The following KDM1B variants were observed in gnomAD, a reference collection of about 807,000 sequenced individuals.
The protein encoded by KDM1B is lysine demethylase 1B.
A neutral mutation model predicts 107.4 loss-of-function variants in KDM1B; 63 were observed. The observed-to-expected ratio is 0.59, with a 90% CI of 0.48 to 0.72. The LOEUF (loss-of-function observed/expected upper bound fraction) is 0.72. Ranked by LOEUF, KDM1B falls within the 30% of genes least tolerant of loss-of-function variation. The pLI is 0.00. For missense variants in KDM1B, 749 were observed against 1,020.8 expected (o/e 0.73, Z 3.63); for synonymous variants, 363 against 363.9 (o/e 1.00, Z 0.03).
intron 4 of KDM1B, 102 bp downstream of exon 4, chr6:18,161,556 A>G: frequency 8.1e-7 from 1 of 1,234,648 alleles, no homozygotes; most frequent in Non-Finnish European, 1.1e-6. Context: ...AGATACAGAT[A>G]CTATAAGTCA....
At chr6:18,173,437 T>TC (rs1249832169) in intron 7 of KDM1B, among the ~76,000 whole-genome samples, 2 of 152,148 alleles carry the variant, frequency 1.3e-5, no homozygotes, top group African/African-American at 2.4e-5. Flanking sequence ...GAATATTTTT[T>TC]CCCCCCAGTT....
rs1788708096 is a variant in KDM1B, at chr6:18,209,928, G to C, written c.1866+1722G>C. 6.6e-6 allele frequency among the ~76,000 whole-genome samples: 1 copy of C among 152,158 alleles called. No individual in the cohort carries two copies. Among genetic ancestry groups the C allele is most frequent in the Admixed American group, 6.5e-5 (1 of 15,272 alleles). ...TTTTAAAATTGCAAGTCACCCGACAGTTCAGCCTCTGCTGTTCTGTAGCTC... is the reference window on the plus strand; with the variant it reads ...TTTTAAAATTGCAAGTCACCCGACACTTCAGCCTCTGCTGTTCTGTAGCTC... On this transcript the variant is annotated intron_variant, in intron 17 of 21. Coordinates refer to ENST00000650836, the MANE Select transcript of KDM1B (RefSeq NM_001364614.2). The surrounding 1 kb of genome is among the most constrained non-coding windows in gnomAD (Gnocchi z 4.3).
chr6:18,222,438 G>C lies in KDM1B; in HGVS notation c.*446G>C, dbSNP rs547315162. On this transcript the variant is annotated 3_prime_UTR_variant, in exon 22 of 22. Transcript: ENST00000650836. ...ACAATTTATCAGTATCTTTACCAAT[G>C]AGCCTTAATTTTTATATAGGTCCAA... 12 of 284,090 alleles carry C rather than the reference G, an allele frequency of 4.2e-5. No homozygotes were observed. Among genetic ancestry groups the C allele is most frequent in the African/African-American group, 2.0e-4 (9 of 44,644 alleles). 17.6% of individuals were successfully genotyped at this position (284,090 alleles called of 1,614,324 possible).
chr6:18,196,926 T>C (rs907383736), intron 10 of KDM1B, 131 bp from the exon 11 acceptor site: 1 of 852,158 alleles, frequency 1.2e-6, no homozygotes, highest in African/African-American at 1.7e-5. Flanking sequence ...TGTTGGCCAT[T>C]TGAGCATCTG....
rs1398760591 is a variant in KDM1B at position 18,197,067 on chromosome 6, C to A, written c.980C>A (p.Thr327Asn). The A allele has an allele frequency of 1.2e-6, 2 of 1,605,450 alleles. No individual in the cohort carries two copies. The highest frequency in any genetic ancestry group is 3.4e-5 in the Admixed American group (2 of 59,386). The stretch of plus-strand genomic sequence containing the variant: ...TATTTCCAAACACAGGAAGCTCTTA[C>A]TCCTCAGAAATGTATTCCTCACATC... ...LWYTNCKEAL[T>N]PQKCIPHIIV... The change falls in exon 11 of 22, where the codon ACT becomes AAT. Residue 327 changes from threonine to asparagine, a missense_variant. By Grantham distance (65) the Thr-to-Asn change is moderately conservative. Coordinates refer to ENST00000650836, the MANE Select transcript of KDM1B (RefSeq NM_001364614.2). This position sits in a 1 kb window ranked among gnomAD's most constrained non-coding sequence, Gnocchi z 4.5.
chr6:18,168,122 T>C (rs2150805666), intron 6 of KDM1B, among the ~76,000 whole-genome samples: 1 of 152,342 alleles, frequency 6.6e-6, no homozygotes, highest in South Asian at 2.1e-4. Flanking sequence ...AAAGATTTTT[T>C]CATTGAAGTA....
chr6:18,191,758 C>T lies in KDM1B; in HGVS notation c.969+377C>T, dbSNP rs1787297768. Among the ~76,000 whole-genome samples the T allele has an allele frequency of 6.6e-6, 1 of 152,074 alleles. No individual in the cohort carries two copies. The highest frequency in any genetic ancestry group is 1.5e-5 in the Non-Finnish European group (1 of 68,010). ...GGTTTGGTCCAAAGAGTTCCAATGG[C>T]AATGGCAGGAGGGAAAAACATCAAA... On this transcript the variant is annotated intron_variant, in intron 10 of 21. Transcript: ENST00000650836. This position sits in a 1 kb window ranked among gnomAD's most constrained non-coding sequence, Gnocchi z 5.1.
At chr6:18,189,224 A>G (rs1046079792) in intron 9 of KDM1B, among the ~76,000 whole-genome samples, 3 of 152,182 alleles carry the variant, frequency 2.0e-5, no homozygotes, top group Non-Finnish European at 4.4e-5. Context: ...CTGTGGTCCT[A>G]TCTTAAGGTT....
chr6:18,210,660 C>G (rs912385478), intron 17 of KDM1B, among the ~76,000 whole-genome samples: 2 of 152,018 alleles, frequency 1.3e-5, no homozygotes, highest in African/African-American at 4.8e-5. Context: ...TGCACCTGGG[C>G]TACTCAAGTT....
In KDM1B at chr6:18,159,788, AC is replaced by A; in HGVS notation, c.-13-94del. 1.5e-6 allele frequency: 1 copy of A among 671,540 alleles called. No homozygotes were observed. The highest frequency in any genetic ancestry group is 2.6e-6 in the Non-Finnish European group (1 of 385,962). 41.6% of individuals were successfully genotyped at this position (671,540 alleles called of 1,614,324 possible). The stretch of plus-strand genomic sequence containing the variant: ...GCTTTGTATTTAGGCAATCTGACAT[AC>A]ATTCTTACCTACCAAAGTGTATAAT... On this transcript the variant is annotated intron_variant, in intron 2 of 21. Coordinates refer to ENST00000650836, the MANE Select transcript of KDM1B (RefSeq NM_001364614.2). This position sits in a 1 kb window ranked among gnomAD's most constrained non-coding sequence, Gnocchi z 4.5.
chr6:18,180,933 C>G (rs1385949410), intron 7 of KDM1B, among the ~76,000 whole-genome samples: 1 of 152,214 alleles, frequency 6.6e-6, no homozygotes, highest in Non-Finnish European at 1.5e-5. Context: ...GATCCGTAAT[C>G]TCACCTCTCT....
intron 20 of KDM1B, among the ~76,000 whole-genome samples, chr6:18,217,404 A>T (rs1582221784): frequency 2.3e-5 from 3 of 130,732 alleles, no homozygotes; most frequent in East Asian, 2.2e-4. Context: ...TTTGAGATGG[A>T]GTCTGGCTCT....
At position 18,213,766 on chromosome 6, in the gene KDM1B, T is replaced by C. The variant is rs1789025351; in HGVS notation, c.2094T>C (p.Tyr698=). ...AGCGAGGGCTTTTTGCCGTGTTCTA[T>C]GACATGGATCCCCAGGTAAAATCAT... is the stretch of plus-strand genomic sequence containing the variant. ...ASKRGLFAVF[Y]DMDPQKKHSV... Residue 698 remains tyrosine (Y), a synonymous_variant, in exon 19 of 22, where the codon TAT becomes TAC. Transcript: ENST00000650836. The surrounding 1 kb of genome is among the most constrained non-coding windows in gnomAD (Gnocchi z 5.9). 6.2e-7 allele frequency: 1 copy of C among 1,614,210 alleles called. No individual in the cohort carries two copies. Among genetic ancestry groups the C allele is most frequent in the Non-Finnish European group, 8.5e-7 (1 of 1,180,012 alleles).
intron 6 of KDM1B, among the ~76,000 whole-genome samples, chr6:18,167,811 A>G (rs1381245324): frequency 6.6e-6 from 1 of 151,920 alleles, no homozygotes; most frequent in Non-Finnish European, 1.5e-5. Context: ...CGTTCAGGCT[A>G]GAGTGCAGTT....
intron 4 of KDM1B, 126 bp downstream of exon 4, chr6:18,161,580 TAG>T (rs1784975330): frequency 2.0e-6 from 2 of 1,011,028 alleles, no homozygotes; most frequent in Admixed American, 5.0e-5. Context: ...AATCTAATAA[TAG>T]AGACATTGCC....
Position 18,197,282 on chromosome 6 carries a change from C to T in KDM1B, c.1146+49C>T, listed in dbSNP as rs377222820. ...TAGCCTTGCCATTGATCAGGACAAA[C>T]GCTAGTCTGTTGCTGTTAATAAATA... On this transcript the variant is annotated intron_variant, in intron 11 of 21. Transcript: ENST00000650836. The surrounding 1 kb of genome is among the most constrained non-coding windows in gnomAD (Gnocchi z 4.5). 41 of 1,512,992 alleles carry T rather than the reference C, an allele frequency of 2.7e-5. No individual in the cohort carries two copies. Among genetic ancestry groups the T allele is most frequent in the East Asian group, 9.1e-5 (4 of 44,116 alleles). 93.7% of individuals were successfully genotyped at this position (1,512,992 alleles called of 1,614,324 possible).
At position 18,196,405 on chromosome 6, in the gene KDM1B, G is replaced by A. The variant is rs143267615; in HGVS notation, c.970-652G>A. Among the ~76,000 whole-genome samples, 1,217 of 152,270 alleles carry A rather than the reference G, an allele frequency of 8.0e-3. 19 individuals are homozygous for A. Among genetic ancestry groups the A allele is most frequent in the African/African-American group, 0.027 (1,126 of 41,542 alleles). On this transcript the variant is annotated intron_variant, in intron 10 of 21. Transcript: ENST00000650836. Reference sequence around the variant, plus strand: ...TAGTTTTTTGAGACACCTCCGTACTGTCTTCCATAATGACTGTACTAATGT... The same window carrying A: ...TAGTTTTTTGAGACACCTCCGTACTATCTTCCATAATGACTGTACTAATGT...
At chr6:18,183,480 G>A (rs965085033) in intron 7 of KDM1B, among the ~76,000 whole-genome samples, 6 of 151,364 alleles carry the variant, frequency 4.0e-5, no homozygotes, top group Non-Finnish European at 5.9e-5. Flanking sequence ...GGCTTGTCTC[G>A]AACTCCTGAA....
chr6:18,199,575 G>C (rs982502066), intron 12 of KDM1B, among the ~76,000 whole-genome samples: 4 of 152,130 alleles, frequency 2.6e-5, no homozygotes, highest in Admixed American at 6.6e-5. Flanking sequence ...CGTGCTGCCT[G>C]TGCACCCAAG....
Sources: allele counts gnomAD v4.1 joint callset (sites outside exome capture counted in the v4.1 genomes callset), GRCh38; gene constraint gnomAD v4.1.1; non-coding constraint Gnocchi (gnomAD v3.1); transcripts MANE v1.5; gene names NCBI Gene and HGNC (gene_info 2026-07-23, HGNC 2026-07-21).